Variants in DAAM1 observed in about 807,000 individuals in gnomAD.
DAAM1 encodes disheveled-associated activator of morphogenesis 1.
In DAAM1, 52 loss-of-function variants were observed where a neutral mutation model predicts 130.0. That is an observed-to-expected ratio of 0.40 (90% CI 0.32 to 0.50). DAAM1 has a LOEUF of 0.50. DAAM1 is among the 20% of genes least tolerant of loss of function. The pLI is 0.61. For synonymous variants in DAAM1, 452 were observed against 444.5 expected, an observed-to-expected ratio of 1.02 and a Z score of -0.21; for missense variants, 1,134 against 1,303.8, an observed-to-expected ratio of 0.87 and a Z score of 2.01.
intron 15 of DAAM1, among the ~76,000 whole-genome samples, chr14:59,334,913 A>G (rs1191159110): frequency 6.6e-6 from 1 of 152,204 alleles, no homozygotes; most frequent in African/African-American, 2.4e-5. Context: ...ACAAGATGAT[A>G]ATATTAAGCA....
chr14:59,311,926 G>T (rs777016986), intron 3 of DAAM1, among the ~76,000 whole-genome samples: 2 of 151,880 alleles, frequency 1.3e-5, no homozygotes, highest in African/African-American at 2.4e-5. Flanking sequence ...CTTGAACTCC[G>T]GGCCTCAAGT....
intron 3 of DAAM1, among the ~76,000 whole-genome samples, chr14:59,297,108 C>A (rs1364798302): frequency 1.3e-5 from 2 of 152,194 alleles, no homozygotes; most frequent in African/African-American, 4.8e-5. Flanking sequence ...AAAAACCACC[C>A]TGCCAATCTG....
intron 1 of DAAM1, among the ~76,000 whole-genome samples, chr14:59,257,897 C>T (rs1881981687): frequency 6.6e-6 from 1 of 152,122 alleles, no homozygotes; most frequent in Admixed American, 6.5e-5. Flanking sequence ...CAGGGCTGGT[C>T]CCATTTTATC....
intron 15 of DAAM1, among the ~76,000 whole-genome samples, chr14:59,339,345 T>C (rs1885755869): frequency 6.6e-6 from 1 of 152,244 alleles, no homozygotes; most frequent in Non-Finnish European, 1.5e-5. Context: ...CCTTGAACTT[T>C]TTATTATTAC....
intron 23 of DAAM1, among the ~76,000 whole-genome samples, chr14:59,365,103 C>T (rs563435350): frequency 3.3e-5 from 5 of 152,288 alleles, no homozygotes; most frequent in South Asian, 2.1e-4. Context: ...GCCAGCATCG[C>T]GCTTCTCTGA....
chr14:59,293,129 A>C (rs1883814952), intron 3 of DAAM1, among the ~76,000 whole-genome samples: 1 of 152,130 alleles, frequency 6.6e-6, no homozygotes, highest in Admixed American at 6.6e-5. Flanking sequence ...GGCTCATCCT[A>C]GTGTAGATTC....
At chr14:59,263,357 G>C in intron 1 of DAAM1, 84 bp from the exon 2 acceptor site, 3 of 1,195,020 alleles carry the variant, frequency 2.5e-6, no homozygotes, top group South Asian at 1.5e-5. Context: ...AGCACACGGA[G>C]CTCTTTCTTG....
intron 2 of DAAM1, among the ~76,000 whole-genome samples, chr14:59,277,177 AGT>A (rs1351914618): frequency 6.6e-6 from 1 of 152,180 alleles, no homozygotes; most frequent in Non-Finnish European, 1.5e-5. Context: ...TTTCTTCCAA[AGT>A]GTTAGTCTTT....
intron 4 of DAAM1, among the ~76,000 whole-genome samples, chr14:59,317,903 TA>T (rs1379965010): frequency 6.6e-6 from 1 of 152,176 alleles, no homozygotes; most frequent in Non-Finnish European, 1.5e-5. Flanking sequence ...CCCCCAGGCC[TA>T]GCAAGCCTGA....
chr14:59,326,769 C>T (rs1385807123), intron 11 of DAAM1, 121 bp downstream of exon 11: 1 of 1,514,716 alleles, frequency 6.6e-7, no homozygotes, highest in Middle Eastern at 2.1e-4. Flanking sequence ...ATATGAGTTA[C>T]TGTACACATG....
In DAAM1 at chr14:59,322,977, C is replaced by G; in HGVS notation, c.526C>G (p.Arg176Gly). ...KTMDYETSESRIHTSLIGCIK... is the reference protein window; with the variant it reads ...KTMDYETSESGIHTSLIGCIK... ...CATGGACTACGAGACCTCAGAGTCT[C>G]GAATACATACTTCTCTCATTGGCTG... The change falls in exon 6 of 25, where the codon CGA (arginine) becomes GGA (glycine). Residue 176 changes from arginine (R) to glycine (G), a missense_variant. By Grantham distance (125) the Arg-to-Gly change is moderately radical (BLOSUM62 -2). This residue lies in a region of DAAM1 where 391 missense variants were observed against 521.6 expected (regional missense o/e 0.75). Transcript: ENST00000360909. The G allele has an allele frequency of 2.5e-6, 4 of 1,614,074 alleles. No individual in the cohort carries two copies. The highest frequency in any genetic ancestry group is 3.4e-6 in the Non-Finnish European group (4 of 1,179,998).
chr14:59,245,974 G>A (rs1248628672), intron 1 of DAAM1, among the ~76,000 whole-genome samples: 3 of 152,196 alleles, frequency 2.0e-5, no homozygotes, highest in East Asian at 1.9e-4. Context: ...ATGAGACGCT[G>A]AAGAACTCAT....
At chr14:59,219,803 G>A (rs1888713109) in intron 1 of DAAM1, among the ~76,000 whole-genome samples, 1 of 152,142 alleles carries the variant, frequency 6.6e-6, no homozygotes. Context: ...TCTTCTTACT[G>A]TAGGATCCTG....
intron 2 of DAAM1, among the ~76,000 whole-genome samples, chr14:59,282,855 A>G (rs1356785064): frequency 3.9e-5 from 6 of 152,200 alleles, no homozygotes; most frequent in Admixed American, 3.9e-4. Context: ...TATTAGCAGT[A>G]CCCATTTATT....
intron 20 of DAAM1, among the ~76,000 whole-genome samples, chr14:59,358,616 G>A (rs1269383815): frequency 6.6e-6 from 1 of 152,128 alleles, no homozygotes; most frequent in Non-Finnish European, 1.5e-5. Flanking sequence ...GCCGAGGCGG[G>A]TGGATCACCT....
At chr14:59,282,198 G>A (rs1037622042) in intron 2 of DAAM1, among the ~76,000 whole-genome samples, 33 of 151,954 alleles carry the variant, frequency 2.2e-4, no homozygotes, top group African/African-American at 6.8e-4. Flanking sequence ...GGAATTTTCC[G>A]TAAAAAACCC....
intron 16 of DAAM1, among the ~76,000 whole-genome samples, chr14:59,341,904 C>G (rs1004336997): frequency 2.6e-5 from 4 of 152,030 alleles, no homozygotes; most frequent in Admixed American, 1.3e-4. Flanking sequence ...TGTTGAAATG[C>G]CTTTAGAGTA....
At chr14:59,307,685 A>AGG (rs1295499279) in intron 3 of DAAM1, among the ~76,000 whole-genome samples, 2 of 152,210 alleles carry the variant, frequency 1.3e-5, no homozygotes, top group Admixed American at 1.3e-4. Context: ...GGGGGGTCAG[A>AGG]GGAGGTATCA....
At chr14:59,324,027 G>A (rs61984496) in intron 6 of DAAM1, 101 bp from the exon 7 acceptor site, 183,005 of 737,742 alleles carry the variant, frequency 0.25, 24,803 homozygotes, top group African/African-American at 0.39. Flanking sequence ...GCAAGACTCC[G>A]TCTGAAAAAA....
Sources: allele counts gnomAD v4.1 joint callset (sites outside exome capture counted in the v4.1 genomes callset), GRCh38; gene constraint gnomAD v4.1.1; regional missense constraint gnomAD v4.1.1; transcripts MANE v1.5; gene names NCBI Gene and HGNC (gene_info 2026-07-23, HGNC 2026-07-21).